The following ST3GAL5 variants were observed in gnomAD, a reference collection of about 807,000 sequenced individuals.
The protein encoded by ST3GAL5 is ST3 beta-galactoside alpha-2,3-sialyltransferase 5.
A neutral mutation model predicts 46.1 loss-of-function variants in ST3GAL5; 25 were observed. The ratio of observed to expected loss-of-function variants is 0.54; its 90% CI spans 0.40 to 0.76. The LOEUF is 0.76. Ranked by LOEUF, ST3GAL5 falls within the 30% of genes least tolerant of loss-of-function variation. The pLI is 0.00. For synonymous variants in ST3GAL5, 182 were observed against 192.7 expected (o/e 0.94, Z 0.46); for missense variants, 431 against 521.2 (o/e 0.83, Z 1.69).
intron 2 of ST3GAL5, among the ~76,000 whole-genome samples, chr2:85,861,645 TAA>T (rs3046643): frequency 3.2e-5 from 4 of 123,794 alleles, no homozygotes; most frequent in Non-Finnish European, 4.9e-5. Flanking sequence ...TGTCAGTCCT[TAA>T]AAAAAAAAAA....
chr2:85,840,180 C>A lies in ST3GAL5; in HGVS notation c.1221G>T (p.Val407=). 1 of 1,614,202 alleles carries A rather than the reference C, an allele frequency of 6.2e-7. No individual in the cohort carries two copies. The highest frequency in any genetic ancestry group is 8.5e-7 in the Non-Finnish European group (1 of 1,180,032). ...GATCAATGCCTCCACTGAGATCTTT[C>A]ACCACTCCCTCTTTGACCAGCTTTA... ...FLLKLVKEGV[V]KDLSGGIDRE... is the part of the protein sequence containing the mutation. Residue 407 remains valine (V), a synonymous_variant, in exon 7 of 7, where the codon GTG becomes GTT. Transcript: ENST00000638572.
intron 2 of ST3GAL5, among the ~76,000 whole-genome samples, chr2:85,861,645 T>TAAAAAAAAAAAAAAAAAAA (rs3046643): frequency 6.5e-5 from 8 of 123,766 alleles, no homozygotes; most frequent in Middle Eastern, 4.0e-3. Flanking sequence ...TGTCAGTCCT[T>TAAAAAAAAAAAAAAAAAAA]AAAAAAAAAA....
chr2:85,875,049 G>A (rs1395103127), intron 1 of ST3GAL5, among the ~76,000 whole-genome samples: 1 of 151,996 alleles, frequency 6.6e-6, no homozygotes, highest in Non-Finnish European at 1.5e-5. Flanking sequence ...GGAAGAAAAT[G>A]GCAAACGGAT....
At chr2:85,868,878 C>G (rs1170867313) in intron 1 of ST3GAL5, among the ~76,000 whole-genome samples, 1 of 152,054 alleles carries the variant, frequency 6.6e-6, no homozygotes, top group South Asian at 2.1e-4. Context: ...CTCAGCCTCC[C>G]GAAGTGCTGG....
chr2:85,853,079 A>T (rs1683712735), intron 3 of ST3GAL5: 1 of 1,304,246 alleles, frequency 7.7e-7, no homozygotes, highest in Non-Finnish European at 1.0e-6. Context: ...TGCCATCCGC[A>T]GGGAGATAAG....
intron 1 of ST3GAL5, among the ~76,000 whole-genome samples, chr2:85,863,806 C>T (rs969821796): frequency 4.0e-5 from 6 of 151,612 alleles, no homozygotes; most frequent in South Asian, 2.1e-4. Flanking sequence ...CTCCTGGGTT[C>T]GAGTGACTGT....
chr2:85,873,575 G>A (rs1686190024), intron 1 of ST3GAL5, among the ~76,000 whole-genome samples: 1 of 152,068 alleles, frequency 6.6e-6, no homozygotes, highest in Non-Finnish European at 1.5e-5. Context: ...AGTCAAGGGA[G>A]AGGATGACTC....
chr2:85,860,038 C>G (rs745333945), intron 3 of ST3GAL5, among the ~76,000 whole-genome samples: 1 of 152,194 alleles, frequency 6.6e-6, no homozygotes, highest in African/African-American at 2.4e-5. Context: ...GGCTTCACCA[C>G]GTACTGCCGC....
intron 1 of ST3GAL5, among the ~76,000 whole-genome samples, chr2:85,871,547 G>C (rs1303612352): frequency 6.6e-6 from 1 of 152,164 alleles, no homozygotes; most frequent in Non-Finnish European, 1.5e-5. Context: ...TAACTATACA[G>C]ATAATTACTG....
At chr2:85,863,271 G>T in intron 2 of ST3GAL5, 91 bp downstream of exon 2, 1 of 1,606,278 alleles carries the variant, frequency 6.2e-7, no homozygotes. Flanking sequence ...TCCAACATTA[G>T]CCATCTTGAG....
intron 6 of ST3GAL5, among the ~76,000 whole-genome samples, chr2:85,842,893 TGAAATTACA>T (rs1682321138): frequency 6.6e-6 from 1 of 152,072 alleles, no homozygotes; most frequent in Admixed American, 6.6e-5. Flanking sequence ...CCCAAGTAGC[TGAAATTACA>T]GGCACGCGCC....
At chr2:85,865,693 A>G (rs1039491735) in intron 1 of ST3GAL5, among the ~76,000 whole-genome samples, 5 of 152,198 alleles carry the variant, frequency 3.3e-5, no homozygotes, top group Non-Finnish European at 7.3e-5. Context: ...GTTCACACCA[A>G]AGTGGACCTC....
At chr2:85,868,673 C>A in intron 1 of ST3GAL5, among the ~76,000 whole-genome samples, 1 of 150,706 alleles carries the variant, frequency 6.6e-6, no homozygotes, top group East Asian at 1.9e-4. Context: ...GGCTGGAGTG[C>A]AGTGGCGTGA....
intron 1 of ST3GAL5, chr2:85,865,741 G>T (rs1685218783): frequency 6.6e-6 from 1 of 152,294 alleles, no homozygotes; most frequent in African/African-American, 2.4e-5. Context: ...GTATGAGAAA[G>T]ACTCCAGGGC....
chr2:85,861,137 C>G (rs1223839936), intron 3 of ST3GAL5, 44 bp downstream of exon 3: 1 of 1,261,990 alleles, frequency 7.9e-7, no homozygotes, highest in East Asian at 2.3e-5. Context: ...TGAGCATATG[C>G]TTGGCAATGT....
Position 85,839,901 on chromosome 2 carries a change from G to T in ST3GAL5, c.*243C>A. ...CATCGTTACATACAATTCTCTTTGA[G>T]AAGTCTTTCCAATTCAATTCTTAAG... On this transcript the variant is annotated 3_prime_UTR_variant, in exon 7 of 7. Coordinates refer to ENST00000638572, the MANE Select transcript of ST3GAL5 (RefSeq NM_003896.4). 3 of 557,428 alleles carry T rather than the reference G, an allele frequency of 5.4e-6. No homozygotes were observed. 34.5% of individuals were successfully genotyped at this position (557,428 alleles called of 1,614,324 possible).
intron 1 of ST3GAL5, among the ~76,000 whole-genome samples, chr2:85,870,908 G>A (rs540422752): frequency 6.6e-5 from 10 of 152,098 alleles, no homozygotes; most frequent in African/African-American, 1.2e-4. Context: ...CAGGTGATCC[G>A]CCCGCCTTGG....
chr2:85,845,056 G>A (rs906319266), intron 5 of ST3GAL5: 1 of 215,110 alleles, frequency 4.6e-6, no homozygotes, highest in Admixed American at 5.2e-5. Flanking sequence ...ATACAAATTT[G>A]TCATCACATG....
intron 1 of ST3GAL5, among the ~76,000 whole-genome samples, chr2:85,882,100 C>A (rs551724970): frequency 6.6e-6 from 1 of 152,370 alleles, no homozygotes; most frequent in East Asian, 1.9e-4. Context: ...GTGGAAGCCC[C>A]AAGCCTTGGC....
Sources: gnomAD v4.1 joint callset for allele counts (sites outside exome capture counted in the v4.1 genomes callset) on GRCh38, gnomAD v4.1.1 for gene constraint, MANE v1.5 for transcripts, NCBI Gene and HGNC (gene_info 2026-07-23, HGNC 2026-07-21) for gene names.